STIMATE: variants seen among roughly 807,000 people sequenced by gnomAD.
STIMATE encodes store-operated calcium entry regulator STIMATE.
A neutral mutation model predicts 36.7 loss-of-function variants in STIMATE; 15 were observed. The ratio of observed to expected loss-of-function variants is 0.41; its 90% CI spans 0.27 to 0.63. The LOEUF is 0.63. STIMATE is among the 20% of genes least tolerant of loss of function. The pLI is 0.32. For missense variants in STIMATE, 305 were observed against 397.3 expected, an observed-to-expected ratio of 0.77 and a Z score of 1.98; for synonymous variants, 163 against 162.3, an observed-to-expected ratio of 1.00 and a Z score of -0.03.
At chr3:52,847,713 G>A (rs74361772) in intron 4 of STIMATE, among the ~76,000 whole-genome samples, 2,381 of 152,272 alleles carry the variant, frequency 0.016, 70 homozygotes, top group African/African-American at 0.054. Flanking sequence ...CCTGGAACCT[G>A]TGAGTGTGTA....
intron 7 of STIMATE, 118 bp downstream of exon 7, chr3:52,842,693 T>C: frequency 6.5e-7 from 1 of 1,540,646 alleles, no homozygotes; most frequent in Non-Finnish European, 8.7e-7. Flanking sequence ...TCTCCTGCCC[T>C]CTGGCTCGCA....
intron 1 of STIMATE, among the ~76,000 whole-genome samples, chr3:52,864,413 G>T (rs1701268435): frequency 6.6e-6 from 1 of 152,110 alleles, no homozygotes; most frequent in Admixed American, 6.5e-5. Context: ...CAAGTTCCTA[G>T]GCTGCATATA....
intron 7 of STIMATE, among the ~76,000 whole-genome samples, chr3:52,842,038 G>T (rs549851574): frequency 6.6e-6 from 1 of 152,326 alleles, no homozygotes; most frequent in Non-Finnish European, 1.5e-5. Flanking sequence ...CCCTCGTTGG[G>T]TTCTGCCTAT....
rs118131965 is a variant in STIMATE at position 52,887,792 on chromosome 3, C to T, written c.160+9499G>A. On this transcript the variant is annotated intron_variant, in intron 1 of 7. Coordinates refer to ENST00000355083, the MANE Select transcript of STIMATE (RefSeq NM_198563.5). ...GGCTGCATCCAGGATAAGGTCCTGT[C>T]CATAGCAGCAACATTCCAACCCAGC... Among the ~76,000 whole-genome samples the T allele has an allele frequency of 9.9e-4, 150 of 152,180 alleles. 2 individuals carry two copies. The East Asian group carries it at 0.023, about 24-fold the overall frequency.
At chr3:52,863,029 G>A (rs887539778) in intron 1 of STIMATE, among the ~76,000 whole-genome samples, 3 of 152,202 alleles carry the variant, frequency 2.0e-5, no homozygotes, top group African/African-American at 7.2e-5. Context: ...AGGGAGTGTG[G>A]CCGCTGCCCA....
chr3:52,887,396 C>T (rs1349528431), intron 1 of STIMATE, among the ~76,000 whole-genome samples: 1 of 152,190 alleles, frequency 6.6e-6, no homozygotes, highest in Non-Finnish European at 1.5e-5. Context: ...CAGGCACAGG[C>T]AGAGGCCTAT....
chr3:52,845,285 A>G (rs530636288), intron 4 of STIMATE, among the ~76,000 whole-genome samples: 10 of 152,312 alleles, frequency 6.6e-5, no homozygotes, highest in Non-Finnish European at 1.2e-4. Flanking sequence ...ATGAAGCAAG[A>G]CTGCTATTCT....
At chr3:52,842,694 C>T in intron 7 of STIMATE, 117 bp downstream of exon 7, 1 of 1,541,696 alleles carries the variant, frequency 6.5e-7, no homozygotes, top group East Asian at 2.3e-5. Context: ...CTCCTGCCCT[C>T]TGGCTCGCAC....
At chr3:52,893,371 CAA>C (rs113274116) in intron 1 of STIMATE, among the ~76,000 whole-genome samples, 9 of 118,494 alleles carry the variant, frequency 7.6e-5, no homozygotes, top group Admixed American at 8.5e-5. Flanking sequence ...ATGGCTCAGC[CAA>C]AAAAAAAAAA....
Position 52,897,468 on chromosome 3 carries a change from G to C in STIMATE, c.-18C>G. The C allele has an allele frequency of 7.8e-7, 1 of 1,284,990 alleles. No homozygotes were observed. The highest frequency in any genetic ancestry group is 3.3e-5 in the East Asian group (1 of 30,650). 79.6% of individuals were successfully genotyped at this position (1,284,990 alleles called of 1,614,324 possible). On this transcript the variant is annotated 5_prime_UTR_variant, in exon 1 of 8. Transcript: ENST00000355083. Reference sequence around the variant, plus strand: ...CCCTGCATGACAGGCCTCGCGGGAGGGGCGCGAGGGCCCAGGGCCCGCCCG... The same window carrying C: ...CCCTGCATGACAGGCCTCGCGGGAGCGGCGCGAGGGCCCAGGGCCCGCCCG...
At position 52,840,039 on chromosome 3, in the gene STIMATE, G is replaced by T. The variant is rs954677289; in HGVS notation, c.*455C>A. The T allele has an allele frequency of 1.3e-5, 2 of 152,612 alleles. No individual in the cohort carries two copies. Among genetic ancestry groups the T allele is most frequent in the African/African-American group, 4.8e-5 (2 of 41,444 alleles). 9.5% of individuals were successfully genotyped at this position (152,612 alleles called of 1,614,324 possible). Reference sequence around the variant, plus strand: ...GCCATTTTGAGTAAGAAAGCATTCCGGTTCCAACTTGGTCAACGAGTCACT... The same window carrying T: ...GCCATTTTGAGTAAGAAAGCATTCCTGTTCCAACTTGGTCAACGAGTCACT... On this transcript the variant is annotated 3_prime_UTR_variant, in exon 8 of 8. Coordinates refer to ENST00000355083, the MANE Select transcript of STIMATE (RefSeq NM_198563.5).
chr3:52,852,779 A>G, intron 2 of STIMATE, 81 bp from the exon 3 acceptor site: 1 of 1,554,980 alleles, frequency 6.4e-7, no homozygotes, highest in Middle Eastern at 1.7e-4. Flanking sequence ...AGACTGAAAC[A>G]GGAAGAAAGC....
chr3:52,840,510 A>C lies in STIMATE; in HGVS notation c.869T>G (p.Phe290Cys). ...LKPVKKKKHR[F>C]GLPV ...GGGAATGTGTCATACGGGTAGCCCAAAGCGGTGCTTCTTTTTCTTCACAGG... is the reference window on the plus strand; with the variant it reads ...GGGAATGTGTCATACGGGTAGCCCACAGCGGTGCTTCTTTTTCTTCACAGG... The change falls in exon 8 of 8, where the codon TTT becomes TGT. Residue 290 changes from phenylalanine (F) to cysteine (C), a missense_variant. Transcript: ENST00000355083. The C allele has an allele frequency of 3.7e-6, 6 of 1,614,074 alleles. No homozygotes were observed. The highest frequency in any genetic ancestry group is 5.1e-6 in the Non-Finnish European group (6 of 1,179,966).
intron 5 of STIMATE, among the ~76,000 whole-genome samples, chr3:52,844,017 CCT>C (rs1454286612): frequency 6.6e-6 from 1 of 152,222 alleles, no homozygotes; most frequent in African/African-American, 2.4e-5. Context: ...GCAGCTTTCC[CCT>C]CAGTGTGGAC....
Position 52,897,223 on chromosome 3 carries a change from G to C in STIMATE, c.160+68C>G. On this transcript the variant is annotated intron_variant, in intron 1 of 7. Transcript: ENST00000355083. ...GGCCTGAACTCTCCGCGCAGGAGGGGCCCCCAGGGGGGCCGGGCCGCGGCT... is the reference window on the plus strand; with the variant it reads ...GGCCTGAACTCTCCGCGCAGGAGGGCCCCCCAGGGGGGCCGGGCCGCGGCT... 3 of 1,508,612 alleles carry C rather than the reference G, an allele frequency of 2.0e-6. No homozygotes were observed. The South Asian group carries it at 3.6e-5, about 18-fold the overall frequency. 93.5% of individuals were successfully genotyped at this position (1,508,612 alleles called of 1,614,324 possible).
chr3:52,897,329 T>C lies in STIMATE; in HGVS notation c.122A>G (p.Gln41Arg). Residue 41 changes from glutamine to arginine, a missense_variant, in exon 1 of 8, where the codon CAG becomes CGG. Coordinates refer to ENST00000355083, the MANE Select transcript of STIMATE (RefSeq NM_198563.5). Reference sequence around the variant, plus strand: ...GAAGGCCACGACGCCGAGCAGCCCCTGCAGGAAGATGCCGAAGCTGTGCAT... The same window carrying C: ...GAAGGCCACGACGCCGAGCAGCCCCCGCAGGAAGATGCCGAAGCTGTGCAT... Reference protein sequence around the residue: ...ALMHSFGIFLQGLLGVVAFST... With the variant: ...ALMHSFGIFLRGLLGVVAFST... 1 of 1,550,538 alleles carries C rather than the reference T, an allele frequency of 6.4e-7. No individual in the cohort carries two copies. Among genetic ancestry groups the C allele is most frequent in the Non-Finnish European group, 8.7e-7 (1 of 1,156,042 alleles).
chr3:52,866,727 C>T (rs759622936), intron 1 of STIMATE, among the ~76,000 whole-genome samples: 12 of 152,194 alleles, frequency 7.9e-5, no homozygotes, highest in Non-Finnish European at 1.6e-4. Flanking sequence ...TCTGGGCTGG[C>T]GCTCCACGTG....
At chr3:52,842,310 C>T (rs1364488506) in intron 7 of STIMATE, among the ~76,000 whole-genome samples, 1 of 152,218 alleles carries the variant, frequency 6.6e-6, no homozygotes, top group African/African-American at 2.4e-5. Context: ...CCCTGAGGTC[C>T]AAACCCTTGA....
chr3:52,848,261 A>G (rs1251589296), intron 4 of STIMATE: 1 of 152,316 alleles, frequency 6.6e-6, no homozygotes, highest in Non-Finnish European at 1.5e-5. Context: ...TTCTGGCTTG[A>G]AGACTCTGGC....
Sources: gnomAD v4.1 joint callset for allele counts (sites outside exome capture counted in the v4.1 genomes callset) on GRCh38, gnomAD v4.1.1 for gene constraint, MANE v1.5 for transcripts, NCBI Gene and HGNC (gene_info 2026-07-23, HGNC 2026-07-21) for gene names.